Variants in DYRK1A observed in about 807,000 individuals in gnomAD.
DYRK1A encodes dual specificity tyrosine phosphorylation regulated kinase 1A.
Under a neutral mutation model 79.7 loss-of-function variants are expected in DYRK1A, and 9 were observed. The ratio of observed to expected loss-of-function variants is 0.11; its 90% confidence interval spans 0.07 to 0.20. The LOEUF (loss-of-function observed/expected upper bound fraction) is 0.20. Among genes scored for constraint, DYRK1A ranks in the 10% least tolerant of loss-of-function variants. The probability of loss-of-function intolerance (pLI) is 1.00; values close to 1 mark genes in which losing one functional copy is unlikely to be tolerated. For synonymous variants in DYRK1A, 349 were observed against 329.7 expected, an observed-to-expected ratio of 1.06 and a Z score of -0.63; for missense variants, 622 against 956.0, an observed-to-expected ratio of 0.65 and a Z score of 4.61.
At chr21:37,429,434 G>C (rs1193539005) in intron 2 of DYRK1A, among the ~76,000 whole-genome samples, 3 of 152,170 alleles carry the variant, frequency 2.0e-5, no homozygotes, top group African/African-American at 7.2e-5. Flanking sequence ...ATGAAGCATG[G>C]CTAGGGAGGC....
At chr21:37,462,259 T>G (rs2051865669) in intron 2 of DYRK1A, among the ~76,000 whole-genome samples, 1 of 152,108 alleles carries the variant, frequency 6.6e-6, no homozygotes, top group South Asian at 2.1e-4. Flanking sequence ...TGCTGGCCCG[T>G]GAGTGTTTGG....
intron 9 of DYRK1A, among the ~76,000 whole-genome samples, chr21:37,499,693 A>C (rs2148635649): frequency 6.6e-6 from 1 of 152,286 alleles, no homozygotes; most frequent in Non-Finnish European, 1.5e-5. Flanking sequence ...ATGGCATTTA[A>C]AATGTATAAT....
At chr21:37,499,166 GA>G (rs1472809176) in intron 9 of DYRK1A, among the ~76,000 whole-genome samples, 1 of 151,934 alleles carries the variant, frequency 6.6e-6, no homozygotes, top group Non-Finnish European at 1.5e-5. Flanking sequence ...TTTTTATCCT[GA>G]AAAATCTTTG....
intron 2 of DYRK1A, among the ~76,000 whole-genome samples, chr21:37,471,783 G>A (rs890644444): frequency 2.0e-5 from 3 of 152,110 alleles, no homozygotes; most frequent in East Asian, 1.9e-4. Context: ...CGTTATGGTC[G>A]GTTGTGTTGT....
chr21:37,456,960 T>TTACTGAGA (rs1166799712), intron 2 of DYRK1A, among the ~76,000 whole-genome samples: 1 of 152,178 alleles, frequency 6.6e-6, no homozygotes, highest in Non-Finnish European at 1.5e-5. Flanking sequence ...CATACTATCA[T>TTACTGAGA]TACTGAGAAT....
chr21:37,494,776 C>T (rs972703208), intron 8 of DYRK1A, among the ~76,000 whole-genome samples: 14 of 151,804 alleles, frequency 9.2e-5, no homozygotes, highest in Admixed American at 8.5e-4. Flanking sequence ...GGTGAAACCC[C>T]GTCTCTACTA....
chr21:37,384,280 T>C (rs985640484), intron 1 of DYRK1A, among the ~76,000 whole-genome samples: 1 of 152,108 alleles, frequency 6.6e-6, no homozygotes, highest in African/African-American at 2.4e-5. Flanking sequence ...AAATGTTTGA[T>C]TGTACATGTA....
At chr21:37,393,750 G>T (rs1226495562) in intron 1 of DYRK1A, among the ~76,000 whole-genome samples, 1 of 152,166 alleles carries the variant, frequency 6.6e-6, no homozygotes, top group East Asian at 1.9e-4. Flanking sequence ...ATTTGGGCAG[G>T]GCCTGTCTCC....
intron 2 of DYRK1A, among the ~76,000 whole-genome samples, chr21:37,432,817 A>G (rs775569090): frequency 4.6e-5 from 7 of 151,950 alleles, no homozygotes. Flanking sequence ...TAATCAGTAT[A>G]TTGTATGTTT....
chr21:37,458,712 T>C (rs958225368), intron 2 of DYRK1A, among the ~76,000 whole-genome samples: 1 of 152,172 alleles, frequency 6.6e-6, no homozygotes, highest in Non-Finnish European at 1.5e-5. Context: ...CAAAGGTATT[T>C]CTCGTTTTAC....
At chr21:37,437,345 G>A (rs1480146181) in intron 2 of DYRK1A, among the ~76,000 whole-genome samples, 2 of 152,192 alleles carry the variant, frequency 1.3e-5, no homozygotes, top group Non-Finnish European at 2.9e-5. Flanking sequence ...GGGTTTTTGA[G>A]TTGCCATCAT....
chr21:37,505,882 A>G (rs577271076), intron 10 of DYRK1A, among the ~76,000 whole-genome samples: 3 of 152,208 alleles, frequency 2.0e-5, no homozygotes, highest in Admixed American at 6.5e-5. Context: ...TACCTTAACC[A>G]GACTTCATTG....
Position 37,505,400 on chromosome 21 carries a change from A to G in DYRK1A, c.1330A>G (p.Lys444Glu), listed in dbSNP as rs1555990891. 6.2e-7 allele frequency: 1 copy of G among 1,614,226 alleles called. No individual in the cohort carries two copies. The highest frequency in any genetic ancestry group is 1.3e-5 in the African/African-American group (1 of 75,054). The stretch of plus-strand genomic sequence containing the variant: ...TACGGTCGCTGACTACTTGAAGTTC[A>G]AAGACCTCATTTTAAGGATGCTTGA... ...GHTVADYLKF[K>E]DLILRMLDYD... The change falls in exon 10 of 12, where the codon AAA (lysine) becomes GAA (glutamate). Residue 444 changes from lysine to glutamate, a missense_variant. Lys to Glu is a moderately conservative substitution (Grantham distance 56). Coordinates refer to ENST00000647188, the MANE Select transcript of DYRK1A (RefSeq NM_001347721.2).
At chr21:37,451,914 G>A (rs2051465350) in intron 2 of DYRK1A, among the ~76,000 whole-genome samples, 1 of 152,168 alleles carries the variant, frequency 6.6e-6, no homozygotes, top group Non-Finnish European at 1.5e-5. Flanking sequence ...GGAGAAAATA[G>A]GAGGGCGGGG....
intron 10 of DYRK1A, 36 bp from the exon 11 acceptor site, chr21:37,506,063 C>CTGGA: frequency 6.3e-7 from 1 of 1,585,416 alleles, no homozygotes; most frequent in Non-Finnish European, 8.6e-7. Context: ...GAATTTTAAA[C>CTGGA]TCACAGTTGT....
rs534521855 is a variant in DYRK1A, at chr21:37,516,023, G to A, written c.*3492G>A. On this transcript the variant is annotated 3_prime_UTR_variant, in exon 12 of 12. Transcript: ENST00000647188. ...AATACACACGAAGACGAGATAGCAG[G>A]CACTCAGTTCTAGGCCAGTTTCTCA... 6.6e-6 allele frequency: 1 copy of A among 152,244 alleles called. No homozygotes were observed. The highest frequency in any genetic ancestry group is 2.1e-4 in the South Asian group (1 of 4,820). The allele number at this position is 152,244 out of a possible 1,614,324, so 9.4% of individuals were successfully genotyped here. A position where few individuals can be genotyped will look rare whatever the true frequency, so the allele number is the denominator to read the frequency against.
intron 1 of DYRK1A, among the ~76,000 whole-genome samples, chr21:37,393,619 G>T (rs1335644961): frequency 6.6e-6 from 1 of 152,230 alleles, no homozygotes; most frequent in Non-Finnish European, 1.5e-5. Context: ...CAGGTTTGTT[G>T]TAATTCTTTC....
intron 2 of DYRK1A, among the ~76,000 whole-genome samples, chr21:37,442,263 T>G (rs1260489808): frequency 6.6e-6 from 1 of 152,166 alleles, no homozygotes; most frequent in African/African-American, 2.4e-5. Flanking sequence ...TTTATCAGAT[T>G]TGGAAGATTT....
In DYRK1A at chr21:37,523,610, C is replaced by T. The variant is rs543328018; in HGVS notation, c.*11079C>T. 10 of 152,246 alleles carry T rather than the reference C, an allele frequency of 6.6e-5. No individual in the cohort carries two copies. Among genetic ancestry groups the T allele is most frequent in the South Asian group, 2.1e-4 (1 of 4,814 alleles). 9.4% of individuals were successfully genotyped at this position (152,246 alleles called of 1,614,324 possible). A position where few individuals can be genotyped will look rare whatever the true frequency, so the allele number is the denominator to read the frequency against. ...CAGGAGAGCTCTGGAAGAGCAGGGACGACTTTGGCTTCTGTTTCCTGCCCA... is the reference window on the plus strand; with the variant it reads ...CAGGAGAGCTCTGGAAGAGCAGGGATGACTTTGGCTTCTGTTTCCTGCCCA... On this transcript the variant is annotated 3_prime_UTR_variant, in exon 12 of 12. Transcript: ENST00000647188.
Sources: allele counts gnomAD v4.1 joint callset (sites outside exome capture counted in the v4.1 genomes callset), GRCh38; gene constraint gnomAD v4.1.1; transcripts MANE v1.5; gene names NCBI Gene and HGNC (gene_info 2026-07-23, HGNC 2026-07-21).